Variants in SRRM3 observed in about 807,000 individuals in gnomAD.
SRRM3 encodes the protein serine/arginine repetitive matrix protein 3.
A neutral mutation model predicts 66.2 loss-of-function variants in SRRM3; 27 were observed. That is an observed-to-expected ratio of 0.41 (90% CI 0.30 to 0.56). The LOEUF (loss-of-function observed/expected upper bound fraction) is 0.56, where lower values mean the gene tolerates loss of function less well. Among genes scored for constraint, SRRM3 ranks in the 20% least tolerant of loss-of-function variants. SRRM3 has a pLI of 0.32. For synonymous variants in SRRM3, 391 were observed against 414.9 expected (o/e 0.94, Z 0.70); for missense variants, 918 against 991.9 (o/e 0.93, Z 1.00).
chr7:76,257,459 A>G (rs1199651184), intron 3 of SRRM3, among the ~76,000 whole-genome samples: 2 of 151,208 alleles, frequency 1.3e-5, no homozygotes, highest in Admixed American at 1.3e-4. Flanking sequence ...AAAAAAAAAA[A>G]AAAAAAGAAG....
rs1554612553 is a variant in SRRM3, at chr7:76,285,048, G to A, written c.1734-567G>A. 6.6e-6 allele frequency among the ~76,000 whole-genome samples: 1 copy of A among 152,158 alleles called. No homozygotes were observed. The highest frequency in any genetic ancestry group is 2.4e-5 in the African/African-American group (1 of 41,442). On this transcript the variant is annotated intron_variant, in intron 14 of 14. Transcript: ENST00000611745. The surrounding 1 kb of genome is among the most constrained non-coding windows in gnomAD (Gnocchi z 4.1). ...TGGGTGATGGGAGCTGTCCACATTT[G>A]CAAGTTTCATTCATTCAACAAGTTT...
chr7:76,261,957 C>G (rs1801883827), intron 8 of SRRM3, among the ~76,000 whole-genome samples: 1 of 151,012 alleles, frequency 6.6e-6, no homozygotes, highest in African/African-American at 2.4e-5. Flanking sequence ...TGGGAGGGCT[C>G]CATGGATAGG....
chr7:76,283,436 A>C (rs1312800561), intron 14 of SRRM3: 10 of 501,068 alleles, frequency 2.0e-5, no homozygotes. Context: ...TCAGCTCTGC[A>C]AGAGTCCCGC....
At chr7:76,231,387 C>G (rs1423622728) in intron 1 of SRRM3, among the ~76,000 whole-genome samples, 3 of 152,240 alleles carry the variant, frequency 2.0e-5, no homozygotes, top group Non-Finnish European at 4.4e-5. Context: ...CCCAGGCGTT[C>G]TCCTAGCACT....
At chr7:76,213,520 A>T in intron 1 of SRRM3, among the ~76,000 whole-genome samples, 1 of 152,162 alleles carries the variant, frequency 6.6e-6, no homozygotes, top group African/African-American at 2.4e-5. Context: ...AGGTACTGTG[A>T]GGCCCAGGGT....
At chr7:76,280,375 C>A (rs1423211455) in intron 11 of SRRM3, among the ~76,000 whole-genome samples, 1 of 150,058 alleles carries the variant, frequency 6.7e-6, no homozygotes, top group African/African-American at 2.5e-5. Flanking sequence ...CCCCCTCCCC[C>A]ATCTGTGTGC....
intron 2 of SRRM3, among the ~76,000 whole-genome samples, 161 bp downstream of exon 2, chr7:76,235,460 G>T (rs1208888857): frequency 6.6e-6 from 1 of 152,178 alleles, no homozygotes; most frequent in African/African-American, 2.4e-5. Context: ...GAACCCAAGA[G>T]CCTTGTCCAG....
At chr7:76,266,311 C>T (rs1802041655) in intron 10 of SRRM3, among the ~76,000 whole-genome samples, 8 of 107,252 alleles carry the variant, frequency 7.5e-5, no homozygotes, top group Admixed American at 2.4e-4. Context: ...TAAATATTAA[C>T]ATATTTTAAT....
chr7:76,205,294 C>T lies in SRRM3; in HGVS notation c.-40+3227C>T, dbSNP rs1800268139. Reference sequence around the variant, plus strand: ...GTGCAATCTCAGCTCACTGCAACCTCTGCCTCCTGGGTTCAAATGATTCTC... The same window carrying T: ...GTGCAATCTCAGCTCACTGCAACCTTTGCCTCCTGGGTTCAAATGATTCTC... On this transcript the variant is annotated intron_variant, in intron 1 of 14. Transcript: ENST00000611745. Among the ~76,000 whole-genome samples, 3 of 152,296 alleles carry T rather than the reference C, an allele frequency of 2.0e-5. No individual in the cohort carries two copies. In the South Asian group the frequency reaches 6.2e-4, roughly 32 times the overall value.
intron 1 of SRRM3, among the ~76,000 whole-genome samples, chr7:76,204,531 C>A (rs1184133547): frequency 6.6e-6 from 1 of 152,182 alleles, no homozygotes; most frequent in Non-Finnish European, 1.5e-5. Flanking sequence ...TGCCTCAGGA[C>A]CCCAGGATGA....
chr7:76,277,716 C>CAAAAAAAAAAAAAAA (rs386353056), intron 11 of SRRM3, among the ~76,000 whole-genome samples: 9 of 102,768 alleles, frequency 8.8e-5, no homozygotes, highest in Non-Finnish European at 1.3e-4. Context: ...TAAACAACAA[C>CAAAAAAAAAAAAAAA]AAAAAAAAAA....
At chr7:76,214,651 G>A (rs1252455445) in intron 1 of SRRM3, among the ~76,000 whole-genome samples, 1 of 152,094 alleles carries the variant, frequency 6.6e-6, no homozygotes, top group East Asian at 1.9e-4. Flanking sequence ...CTCTCAGGGA[G>A]CCCCAACTTC....
intron 11 of SRRM3, among the ~76,000 whole-genome samples, chr7:76,275,066 A>G (rs1464692857): frequency 6.6e-6 from 1 of 150,922 alleles, no homozygotes; most frequent in Admixed American, 6.6e-5. Flanking sequence ...AGATCGTGCC[A>G]CTGCACTCCA....
intron 10 of SRRM3, among the ~76,000 whole-genome samples, chr7:76,266,553 T>C (rs1171288163): frequency 4.3e-5 from 5 of 115,554 alleles, no homozygotes; most frequent in Non-Finnish European, 8.2e-5. Context: ...ATTTATATAT[T>C]AAATATATAA....
At chr7:76,234,249 A>C (rs1365575720) in intron 1 of SRRM3, among the ~76,000 whole-genome samples, 3 of 148,960 alleles carry the variant, frequency 2.0e-5, no homozygotes, top group Non-Finnish European at 3.0e-5. Context: ...AGGGCCTAGC[A>C]TGGAGTCAGG....
chr7:76,218,674 CTTTTTTTTTTTTTTT>C (rs11349335), intron 1 of SRRM3, among the ~76,000 whole-genome samples: 1 of 76,278 alleles, frequency 1.3e-5, no homozygotes, highest in Non-Finnish European at 2.3e-5. Flanking sequence ...GCTTTCTTTT[CTTTTTTTTTTTTTTT>C]TTTTTTTTTG....
In SRRM3 at chr7:76,213,426, C is replaced by T. The variant is rs146679403; in HGVS notation, c.-40+11359C>T. Among the ~76,000 whole-genome samples the T allele has an allele frequency of 2.8e-3, 420 of 152,282 alleles. 1 individual carries two copies. Among genetic ancestry groups the T allele is most frequent in the Non-Finnish European group, 4.9e-3 (333 of 68,032 alleles). On this transcript the variant is annotated intron_variant, in intron 1 of 14. Transcript: ENST00000611745. ...CCTCACAACATCCAATGATGTAGGT[C>T]GGTCCTAGTTGGGGAAATGGAGGCA...
At chr7:76,239,242 CAGGCT>C (rs1801224512) in intron 2 of SRRM3, among the ~76,000 whole-genome samples, 1 of 152,116 alleles carries the variant, frequency 6.6e-6, no homozygotes, top group South Asian at 2.1e-4. Flanking sequence ...CCATGTTGGC[CAGGCT>C]GGTCTCGAAC....
chr7:76,265,340 G>A (rs782454060), intron 9 of SRRM3, 24 bp from the exon 10 acceptor site: 8 of 1,570,088 alleles, frequency 5.1e-6, no homozygotes, highest in Admixed American at 3.5e-5. Flanking sequence ...TGAGGTACAG[G>A]CTGATTTCCC....
Sources: gnomAD v4.1 joint callset for allele counts (sites outside exome capture counted in the v4.1 genomes callset) on GRCh38, gnomAD v4.1.1 for gene constraint, Gnocchi (gnomAD v3.1) non-coding constraint, MANE v1.5 for transcripts, NCBI Gene and HGNC (gene_info 2026-07-23, HGNC 2026-07-21) for gene names.